The following MAGI2 variants were observed in gnomAD, a reference collection of about 807,000 sequenced individuals.
The protein encoded by MAGI2 is membrane-associated guanylate kinase, WW and PDZ domain-containing protein 2.
MAGI2 carries 35 observed loss-of-function variants against 133.3 expected under a neutral mutation model. The observed-to-expected ratio is 0.26, with a 90% confidence interval of 0.20 to 0.35. MAGI2 has a LOEUF of 0.35. Among genes scored for constraint, MAGI2 ranks in the 10% least tolerant of loss-of-function variants. MAGI2 has a pLI of 1.00. For synonymous variants in MAGI2, 729 were observed against 710.6 expected (o/e 1.03, Z -0.41); for missense variants, 1,636 against 1,863.4 (o/e 0.88, Z 2.25).
intron 2 of MAGI2, among the ~76,000 whole-genome samples, chr7:78,927,813 C>T (rs117947172): frequency 0.011 from 1,602 of 151,874 alleles, 18 homozygotes; most frequent in African/African-American, 0.03. Flanking sequence ...AAGGTCAAAA[C>T]GTGATTTTCA....
chr7:78,878,080 C>A (rs187553278), intron 2 of MAGI2, among the ~76,000 whole-genome samples: 1 of 152,288 alleles, frequency 6.6e-6, no homozygotes, highest in East Asian at 1.9e-4. Flanking sequence ...GGGTAACAAG[C>A]ACCCACAAAG....
intron 6 of MAGI2, among the ~76,000 whole-genome samples, chr7:78,402,327 GGTGTGT>G (rs1796956877): frequency 3.7e-5 from 4 of 108,338 alleles, no homozygotes; most frequent in African/African-American, 1.5e-4. Context: ...ATCCACCTAG[GGTGTGT>G]ATGTGTGTGT....
At chr7:79,261,219 G>C (rs955779559) in intron 1 of MAGI2, among the ~76,000 whole-genome samples, 2 of 152,178 alleles carry the variant, frequency 1.3e-5, no homozygotes, top group East Asian at 3.9e-4. Flanking sequence ...ATAGCTATTA[G>C]ACTCTCTCAC....
At chr7:79,214,820 T>C (rs1176501275) in intron 1 of MAGI2, among the ~76,000 whole-genome samples, 3 of 143,822 alleles carry the variant, frequency 2.1e-5, no homozygotes, top group East Asian at 2.0e-4. Context: ...ATACATTATA[T>C]TTATAAATTA....
rs191145886 is a variant in MAGI2 at position 79,220,649 on chromosome 7, G to A, written c.302-213443C>T. ...CAGATCCTAGAGCTAATGCTCGGGG[G>A]CTAAATAAGTCCTGGTGGCCCCCAA... On this transcript the variant is annotated intron_variant, in intron 1 of 21. Transcript: ENST00000354212. Among the ~76,000 whole-genome samples the A allele has an allele frequency of 5.1e-4, 78 of 152,144 alleles. No homozygotes were observed. The East Asian group carries it at 0.011, about 21-fold the overall frequency.
At chr7:78,750,084 A>T (rs895076774) in intron 2 of MAGI2, among the ~76,000 whole-genome samples, 45 of 151,984 alleles carry the variant, frequency 3.0e-4, no homozygotes, top group African/African-American at 1.1e-3. Flanking sequence ...CCCCATCTCC[A>T]TGTGTTTTCA....
At chr7:79,306,997 T>A (rs1002763167) in intron 1 of MAGI2, among the ~76,000 whole-genome samples, 1 of 152,062 alleles carries the variant, frequency 6.6e-6, no homozygotes, top group African/African-American at 2.4e-5. Context: ...TTTCTTTTTC[T>A]TTTTTGTATT....
chr7:78,154,918 G>A (rs1824240137), intron 16 of MAGI2, among the ~76,000 whole-genome samples: 2 of 134,514 alleles, frequency 1.5e-5, no homozygotes, highest in Non-Finnish European at 3.3e-5. Flanking sequence ...ATTTTACAGA[G>A]CAAGCATCTA....
At chr7:78,980,971 A>T (rs1482949552) in intron 2 of MAGI2, among the ~76,000 whole-genome samples, 1 of 151,582 alleles carries the variant, frequency 6.6e-6, no homozygotes, top group African/African-American at 2.4e-5. Flanking sequence ...ATTTTATTTC[A>T]TAATCTTCTT....
intron 1 of MAGI2, among the ~76,000 whole-genome samples, chr7:79,171,764 A>ATTT (rs1327816263): frequency 4.0e-5 from 1 of 24,794 alleles, no homozygotes; most frequent in African/African-American, 9.5e-5. Flanking sequence ...ATATATATAT[A>ATTT]TATATATTTT....
chr7:78,321,066 T>C lies in MAGI2; in HGVS notation c.1408+22712A>G, dbSNP rs545325327. Among the ~76,000 whole-genome samples the C allele has an allele frequency of 2.0e-4, 31 of 152,238 alleles. No individual in the cohort carries two copies. In the Middle Eastern group the frequency reaches 0.01, roughly 50 times the overall value. On this transcript the variant is annotated intron_variant, in intron 9 of 21. Coordinates refer to ENST00000354212, the MANE Select transcript of MAGI2 (RefSeq NM_012301.4). ...ACATAGGAATCCAACTTACAAGGGA[T>C]GTGAAGGACCTCTTCAAGGAGAACT...
intron 3 of MAGI2, chr7:78,621,252 TCCAAAGAG>T (rs1179411344): frequency 6.6e-6 from 1 of 151,928 alleles, no homozygotes; most frequent in African/African-American, 2.4e-5. Flanking sequence ...TCTGCATTCA[TCCAAAGAG>T]CTCTGTGGTC....
intron 7 of MAGI2, among the ~76,000 whole-genome samples, chr7:78,365,823 C>T (rs756745283): frequency 6.6e-6 from 1 of 152,190 alleles, no homozygotes; most frequent in Non-Finnish European, 1.5e-5. Flanking sequence ...TTCTCTTCTG[C>T]TATTGATTGT....
At chr7:79,309,885 C>T (rs1838101574) in intron 1 of MAGI2, among the ~76,000 whole-genome samples, 1 of 148,798 alleles carries the variant, frequency 6.7e-6, no homozygotes, top group African/African-American at 2.5e-5. Context: ...AATCCCAGCA[C>T]TTTGTGAGGC....
At chr7:78,828,262 A>T (rs950827253) in intron 2 of MAGI2, among the ~76,000 whole-genome samples, 1 of 152,228 alleles carries the variant, frequency 6.6e-6, no homozygotes, top group African/African-American at 2.4e-5. Flanking sequence ...TAATGAGAGT[A>T]ACTTAACAGT....
chr7:78,620,010 C>A (rs1807557292), intron 3 of MAGI2, among the ~76,000 whole-genome samples: 1 of 151,868 alleles, frequency 6.6e-6, no homozygotes, highest in African/African-American at 2.4e-5. Flanking sequence ...ACCCTTTTAA[C>A]TTTAAGTGCC....
intron 1 of MAGI2, among the ~76,000 whole-genome samples, chr7:79,348,263 T>G (rs916875082): frequency 6.6e-6 from 1 of 151,926 alleles, no homozygotes; most frequent in African/African-American, 2.4e-5. Context: ...GATCTTCTAG[T>G]TTAATTACAC....
chr7:78,928,327 C>A (rs1799865204), intron 2 of MAGI2, among the ~76,000 whole-genome samples: 1 of 151,664 alleles, frequency 6.6e-6, no homozygotes, highest in Non-Finnish European at 1.5e-5. Context: ...AAGAGAGTCC[C>A]TTTTAGAATA....
At chr7:78,804,293 G>C (rs1047594779) in intron 2 of MAGI2, among the ~76,000 whole-genome samples, 1 of 151,986 alleles carries the variant, frequency 6.6e-6, no homozygotes, top group Non-Finnish European at 1.5e-5. Flanking sequence ...TTGCAATATA[G>C]AAACACATTA....
Sources: gnomAD v4.1 joint callset for allele counts (sites outside exome capture counted in the v4.1 genomes callset) on GRCh38, gnomAD v4.1.1 for gene constraint, MANE v1.5 for transcripts, NCBI Gene and HGNC (gene_info 2026-07-23, HGNC 2026-07-21) for gene names.